The following MACROD2 variants were observed in gnomAD, a reference collection of about 807,000 sequenced individuals.
MACROD2 encodes the protein ADP-ribose glycohydrolase MACROD2.
A neutral mutation model predicts 70.4 loss-of-function variants in MACROD2; 36 were observed. The ratio of observed to expected loss-of-function variants is 0.51; its 90% confidence interval spans 0.39 to 0.68. The LOEUF is 0.68. Ranked by LOEUF, MACROD2 falls within the 30% of genes least tolerant of loss-of-function variation. The pLI is 0.00. For missense variants in MACROD2, 496 were observed against 538.4 expected (o/e 0.92, Z 0.78); for synonymous variants, 172 against 178.8 (o/e 0.96, Z 0.30).
In MACROD2 at chr20:14,823,824, A is replaced by G. The variant is rs572654311; in HGVS notation, c.418+138865A>G. ...TGTTGTTTTTTCGCTAAGAAGAGGA[A>G]ATAGACTTTGGGATAGGAAATAGCA... On this transcript the variant is annotated intron_variant, in intron 5 of 17. Coordinates refer to ENST00000684519, the MANE Select transcript of MACROD2 (RefSeq NM_001351661.2). 5.3e-5 allele frequency among the ~76,000 whole-genome samples: 8 copies of G among 152,132 alleles called. No individual in the cohort carries two copies. In the South Asian group the frequency reaches 1.7e-3, roughly 32 times the overall value.
intron 8 of MACROD2, among the ~76,000 whole-genome samples, chr20:15,583,800 C>T (rs750299254): frequency 6.6e-5 from 10 of 152,162 alleles, no homozygotes; most frequent in African/African-American, 1.4e-4. Context: ...TGTGCCACCA[C>T]GCCCGGCTTT....
At chr20:15,448,316 C>T (rs2146388386) in intron 7 of MACROD2, among the ~76,000 whole-genome samples, 1 of 152,216 alleles carries the variant, frequency 6.6e-6, no homozygotes, top group Admixed American at 6.5e-5. Flanking sequence ...ACTCTTACTG[C>T]CCATCTTCAG....
intron 3 of MACROD2, among the ~76,000 whole-genome samples, chr20:14,385,680 C>A (rs1342282110): frequency 6.6e-6 from 1 of 152,092 alleles, no homozygotes; most frequent in Non-Finnish European, 1.5e-5. Context: ...GTTTCTTTTC[C>A]ATGTTGACCT....
chr20:14,208,854 A>T (rs965045408), intron 3 of MACROD2, among the ~76,000 whole-genome samples: 1 of 152,234 alleles, frequency 6.6e-6, no homozygotes, highest in Non-Finnish European at 1.5e-5. Flanking sequence ...GGCAGCAAGG[A>T]GCAAGATACA....
chr20:15,713,953 C>A (rs2050665618), intron 8 of MACROD2, among the ~76,000 whole-genome samples: 1 of 149,694 alleles, frequency 6.7e-6, no homozygotes, highest in Non-Finnish European at 1.5e-5. Flanking sequence ...ATGGAGCCAG[C>A]AGTAGATGTG....
intron 5 of MACROD2, among the ~76,000 whole-genome samples, chr20:15,219,085 G>A (rs2076835974): frequency 6.6e-6 from 1 of 152,110 alleles, no homozygotes; most frequent in African/African-American, 2.4e-5. Flanking sequence ...AAGTGAAATT[G>A]GTGACATACC....
At chr20:15,763,690 A>AT (rs1217924671) in intron 8 of MACROD2, among the ~76,000 whole-genome samples, 5 of 150,052 alleles carry the variant, frequency 3.3e-5, no homozygotes, top group African/African-American at 1.2e-4. Context: ...TAAAAAAAAA[A>AT]CACAGATTTT....
intron 8 of MACROD2, among the ~76,000 whole-genome samples, chr20:15,502,736 G>A (rs1295145559): frequency 6.6e-6 from 1 of 152,120 alleles, no homozygotes; most frequent in Non-Finnish European, 1.5e-5. Flanking sequence ...AGGACTAGAG[G>A]ATTGTTTTCT....
At chr20:15,201,140 G>C (rs907154379) in intron 5 of MACROD2, among the ~76,000 whole-genome samples, 10 of 152,068 alleles carry the variant, frequency 6.6e-5, no homozygotes, top group African/African-American at 2.2e-4. Context: ...CGGACATAAA[G>C]CAAAAGTTAA....
intron 3 of MACROD2, among the ~76,000 whole-genome samples, chr20:14,463,987 A>G (rs978769391): frequency 6.6e-6 from 1 of 151,942 alleles, no homozygotes; most frequent in African/African-American, 2.4e-5. Flanking sequence ...ATATTGGTCT[A>G]AAATTCTCTT....
intron 5 of MACROD2, among the ~76,000 whole-genome samples, chr20:14,698,893 C>T (rs2071159856): frequency 6.6e-6 from 1 of 151,708 alleles, no homozygotes; most frequent in African/African-American, 2.4e-5. Flanking sequence ...ATGCTCTGTT[C>T]ATTTGATTCC....
At chr20:14,432,468 TGTG>T (rs1402118624) in intron 3 of MACROD2, among the ~76,000 whole-genome samples, 3 of 151,892 alleles carry the variant, frequency 2.0e-5, no homozygotes, top group African/African-American at 7.2e-5. Flanking sequence ...CTGTCTAACA[TGTG>T]GTATGTATTC....
chr20:15,988,919 A>C (rs889091540), intron 15 of MACROD2, among the ~76,000 whole-genome samples: 1 of 152,142 alleles, frequency 6.6e-6, no homozygotes, highest in African/African-American at 2.4e-5. Context: ...AAAAGTACTC[A>C]TAGGAAAAGG....
At position 15,243,740 on chromosome 20, in the gene MACROD2, C is replaced by T. The variant is rs188170413; in HGVS notation, c.540+13679C>T. On this transcript the variant is annotated intron_variant, in intron 6 of 17. Transcript: ENST00000684519. ...ACCATCCTGGCTAACACGGTGAAAC[C>T]CTGTCTCTACTAAAAATACAAAAAA... Among the ~76,000 whole-genome samples, 99 of 151,582 alleles carry T rather than the reference C, an allele frequency of 6.5e-4. 2 individuals carry two copies. The highest frequency in any genetic ancestry group is 6.2e-3 in the East Asian group (32 of 5,162).
At chr20:15,966,716 G>C (rs2066145490) in intron 12 of MACROD2, among the ~76,000 whole-genome samples, 1 of 152,132 alleles carries the variant, frequency 6.6e-6, no homozygotes, top group Admixed American at 6.6e-5. Context: ...CATCCAGCCT[G>C]GGTAACAGAG....
At chr20:14,847,640 C>T (rs188251001) in intron 5 of MACROD2, among the ~76,000 whole-genome samples, 139 of 142,200 alleles carry the variant, frequency 9.8e-4, no homozygotes, top group African/African-American at 3.4e-3. Context: ...ACAGTCCCCC[C>T]TTTTAAAAAA....
chr20:14,625,467 C>T (rs1248205231), intron 4 of MACROD2, among the ~76,000 whole-genome samples: 2 of 152,054 alleles, frequency 1.3e-5, no homozygotes, highest in Non-Finnish European at 2.9e-5. Flanking sequence ...GCAATCACCA[C>T]CGAAAAAGCT....
intron 5 of MACROD2, among the ~76,000 whole-genome samples, chr20:14,830,663 G>A (rs904762111): frequency 1.3e-5 from 2 of 152,110 alleles, no homozygotes; most frequent in Non-Finnish European, 2.9e-5. Context: ...AGTTAAAAGT[G>A]AACTGAAACA....
chr20:16,008,434 C>T (rs573442575), intron 15 of MACROD2, among the ~76,000 whole-genome samples: 30 of 152,344 alleles, frequency 2.0e-4, no homozygotes, highest in African/African-American at 7.2e-4. Flanking sequence ...GAAATTGCTT[C>T]AGCCCCTGGC....
Sources: allele counts gnomAD v4.1 joint callset (sites outside exome capture counted in the v4.1 genomes callset), GRCh38; gene constraint gnomAD v4.1.1; transcripts MANE v1.5; gene names NCBI Gene and HGNC (gene_info 2026-07-23, HGNC 2026-07-21).